Variants in ATP13A4 observed in about 807,000 individuals in gnomAD.
The protein encoded by ATP13A4 is ATPase 13A4.
A neutral mutation model predicts 142.5 loss-of-function variants in ATP13A4; 114 were observed. The ratio of observed to expected loss-of-function variants is 0.80; its 90% CI spans 0.69 to 0.93. The LOEUF (loss-of-function observed/expected upper bound fraction) is 0.93. Among genes scored for constraint, ATP13A4 ranks in the 40% least tolerant of loss-of-function variants. The pLI, the probability that ATP13A4 is intolerant of heterozygous loss-of-function variation, is 0.00. For missense variants in ATP13A4, 1,392 were observed against 1,454.0 expected, an observed-to-expected ratio of 0.96 and a Z score of 0.69; for synonymous variants, 488 against 514.8, an observed-to-expected ratio of 0.95 and a Z score of 0.70.
intron 25 of ATP13A4, among the ~76,000 whole-genome samples, chr3:193,431,648 T>C (rs1011030208): frequency 6.6e-6 from 1 of 151,496 alleles, no homozygotes; most frequent in Non-Finnish European, 1.5e-5. Context: ...ATAAATATGC[T>C]TCCAAATATA....
intron 2 of ATP13A4, among the ~76,000 whole-genome samples, chr3:193,507,943 CAT>C (rs1485227515): frequency 6.6e-6 from 1 of 152,156 alleles, no homozygotes; most frequent in African/African-American, 2.4e-5. Context: ...TCAAAATTCT[CAT>C]GTTGAACCCC....
At chr3:193,419,255 A>G (rs1023774557) in intron 25 of ATP13A4, among the ~76,000 whole-genome samples, 5 of 149,900 alleles carry the variant, frequency 3.3e-5, no homozygotes, top group African/African-American at 1.2e-4. Context: ...GAAAAAGAGT[A>G]CTATGGTAAA....
At chr3:193,490,500 A>G (rs1719886302) in intron 6 of ATP13A4, among the ~76,000 whole-genome samples, 2 of 152,244 alleles carry the variant, frequency 1.3e-5, no homozygotes, top group Admixed American at 6.5e-5. Flanking sequence ...GAAAGCAGTA[A>G]GCTGTAATAG....
chr3:193,555,436 T>G (rs1723848783), upstream of ATP13A4, among the ~76,000 whole-genome samples: 1 of 152,230 alleles, frequency 6.6e-6, no homozygotes, highest in Non-Finnish European at 1.5e-5. Context: ...AAATTCTATT[T>G]AAAGTGTATG....
chr3:193,511,125 A>G (rs1203022200), intron 2 of ATP13A4, among the ~76,000 whole-genome samples: 1 of 152,210 alleles, frequency 6.6e-6, no homozygotes, highest in Non-Finnish European at 1.5e-5. Context: ...AGATCCATTT[A>G]AAATGACACA....
intron 2 of ATP13A4, among the ~76,000 whole-genome samples, chr3:193,513,409 G>A (rs747312353): frequency 3.3e-5 from 5 of 152,194 alleles, no homozygotes; most frequent in Non-Finnish European, 7.3e-5. Context: ...TCGGGGCCAT[G>A]GGCTGATGCA....
intron 1 of ATP13A4, among the ~76,000 whole-genome samples, chr3:193,548,181 A>G (rs1452359130): frequency 6.6e-6 from 1 of 152,100 alleles, no homozygotes; most frequent in Non-Finnish European, 1.5e-5. Flanking sequence ...ATAACATAAC[A>G]TTTTCTAGGT....
intron 2 of ATP13A4, among the ~76,000 whole-genome samples, chr3:193,568,955 C>A (rs1012357904): frequency 6.6e-6 from 1 of 152,188 alleles, no homozygotes. Flanking sequence ...AGATAAATCT[C>A]TCATGCAGAA....
chr3:193,489,794 T>C lies in ATP13A4; in HGVS notation c.674A>G (p.Tyr225Cys), dbSNP rs376309661. 14 of 1,610,282 alleles carry C rather than the reference T, an allele frequency of 8.7e-6. No homozygotes were observed. The highest frequency in any genetic ancestry group is 1.3e-5 in the African/African-American group (1 of 74,826). ...GGACATGATTATGATGGCAAAAGCA[T>C]ATTCCTTATAGTCTTCACTAAACCA... is the stretch of plus-strand genomic sequence containing the variant. ...CLWFSEDYKE[Y>C]AFAIIIMSII... Residue 225 changes from tyrosine to cysteine, a missense_variant, in exon 7 of 30, where the codon TAT becomes TGT. By Grantham distance (194) the Tyr-to-Cys change is radical. Coordinates refer to ENST00000342695, the MANE Select transcript of ATP13A4 (RefSeq NM_032279.4).
intron 1 of ATP13A4, among the ~76,000 whole-genome samples, chr3:193,515,300 C>T (rs867276978): frequency 6.6e-6 from 1 of 152,188 alleles, no homozygotes; most frequent in Non-Finnish European, 1.5e-5. Flanking sequence ...GAATGTCCCA[C>T]TGCTAAGATT....
intron 18 of ATP13A4, among the ~76,000 whole-genome samples, chr3:193,445,454 T>A (rs909309618): frequency 6.2e-5 from 9 of 144,834 alleles, no homozygotes; most frequent in African/African-American, 1.5e-4. Flanking sequence ...ATATAAAAAA[T>A]AAATAAATAA....
chr3:193,517,344 G>A (rs1721470739), intron 1 of ATP13A4, among the ~76,000 whole-genome samples: 1 of 152,136 alleles, frequency 6.6e-6, no homozygotes, highest in South Asian at 2.1e-4. Context: ...AGCAATAAAG[G>A]GTTACATGGA....
chr3:193,492,810 T>A (rs76528633), intron 5 of ATP13A4, 107 bp downstream of exon 5: 1 of 843,008 alleles, frequency 1.2e-6, no homozygotes, highest in Non-Finnish European at 2.0e-6. Flanking sequence ...TAGAGCATTA[T>A]AATATTTTCT....
chr3:193,548,232 T>C (rs967951165), intron 1 of ATP13A4, among the ~76,000 whole-genome samples: 2 of 152,212 alleles, frequency 1.3e-5, no homozygotes, highest in African/African-American at 4.8e-5. Context: ...TTTTGAGCTC[T>C]GCTGCATCCC....
At position 193,440,278 on chromosome 3, in the gene ATP13A4, G is replaced by T. The variant is rs1207164023; in HGVS notation, c.2519+280C>A. 3 of 416,272 alleles carry T rather than the reference G, an allele frequency of 7.2e-6. No individual in the cohort carries two copies. In the East Asian group the frequency reaches 1.6e-4, roughly 22 times the overall value. The allele number at this position is 416,272 out of a possible 1,614,324, so 25.8% of individuals were successfully genotyped here. On this transcript the variant is annotated intron_variant, in intron 21 of 29. Coordinates refer to ENST00000342695, the MANE Select transcript of ATP13A4 (RefSeq NM_032279.4). ...TCCCCACACTCTTTCAGGACCCTTA[G>T]GTTCTAGTCCAGTGGTTCTCAGCAT...
At chr3:193,452,384 G>A (rs1717330659) in intron 17 of ATP13A4, among the ~76,000 whole-genome samples, 1 of 152,050 alleles carries the variant, frequency 6.6e-6, no homozygotes, top group African/African-American at 2.4e-5. Context: ...AATTGTAGTA[G>A]CCAGAGTTTC....
At chr3:193,586,998 A>G (rs976766136) in intron 1 of ATP13A4, among the ~76,000 whole-genome samples, 8 of 152,156 alleles carry the variant, frequency 5.3e-5, no homozygotes, top group Admixed American at 1.3e-4. Flanking sequence ...ACAGTCTTCA[A>G]TTTCTTTCAG....
At chr3:193,420,403 A>C (rs1486918144) in intron 25 of ATP13A4, among the ~76,000 whole-genome samples, 1 of 150,364 alleles carries the variant, frequency 6.7e-6, no homozygotes, top group East Asian at 2.1e-4. Flanking sequence ...AGTTTGGAAG[A>C]GGTGATTGTT....
chr3:193,514,729 T>C lies in ATP13A4; in HGVS notation c.203A>G (p.Gln68Arg), dbSNP rs953514130. 2 of 1,614,184 alleles carry C rather than the reference T, an allele frequency of 1.2e-6. No homozygotes were observed. Among genetic ancestry groups the C allele is most frequent in the Non-Finnish European group, 8.5e-7 (1 of 1,180,024 alleles). The part of the protein sequence containing the change: ...VWAHCVPCSL[Q>R]EADTVLLRTT... ...CCTCAGCAACACAGTGTCTGCTTCT[T>C]GCAAGGAACATGGGACACAATGTGC... The change falls in exon 2 of 30, where the codon CAA (glutamine) becomes CGA (arginine). Residue 68 changes from glutamine to arginine, a missense_variant. Transcript: ENST00000342695.
Sources: allele counts gnomAD v4.1 joint callset (sites outside exome capture counted in the v4.1 genomes callset), GRCh38; gene constraint gnomAD v4.1.1; transcripts MANE v1.5; gene names NCBI Gene and HGNC (gene_info 2026-07-23, HGNC 2026-07-21).